Variants in LEKR1 observed in about 807,000 individuals in gnomAD.
LEKR1 encodes leucine, glutamate and lysine rich 1.
LEKR1 carries 59 observed loss-of-function variants against 72.4 expected under a neutral mutation model. The observed-to-expected ratio is 0.82, with a 90% CI of 0.66 to 1.01. The LOEUF (loss-of-function observed/expected upper bound fraction) is 1.01. LEKR1 is among the 50% of genes least tolerant of loss of function. LEKR1 has a pLI of 0.00. For synonymous variants in LEKR1, 257 were observed against 263.2 expected (o/e 0.98, Z 0.23); for missense variants, 728 against 759.2 (o/e 0.96, Z 0.48).
Position 156,899,303 on chromosome 3 carries a change from T to C in LEKR1, c.264-21272T>C, listed in dbSNP as rs570680947. Among the ~76,000 whole-genome samples, 40 of 145,938 alleles carry C rather than the reference T, an allele frequency of 2.7e-4. 2 individuals are homozygous for C. The highest frequency in any genetic ancestry group is 9.0e-4 in the African/African-American group (36 of 40,014). On this transcript the variant is annotated intron_variant, in intron 3 of 12. Transcript: ENST00000356539. ...ATATATACATGTATATATACATATA[T>C]ACATACACACATGTATATATACATA...
At chr3:156,888,369 A>G (rs1223998734) in intron 3 of LEKR1, 5 of 702,382 alleles carry the variant, frequency 7.1e-6, no homozygotes, top group South Asian at 1.5e-5. Context: ...TGCCAGATCT[A>G]CAACATTCTG....
In LEKR1 at chr3:156,918,461, T is replaced by G. The variant is rs962731999; in HGVS notation, c.264-2114T>G. ...TCCTGTTCCTGGCCTGGAATGGGAA[T>G]GTAATGATTGAAGCTTTCACCACCA... On this transcript the variant is annotated intron_variant, in intron 3 of 12. Coordinates refer to ENST00000356539, the MANE Select transcript of LEKR1 (RefSeq NM_001004316.3). Among the ~76,000 whole-genome samples, 3 of 152,134 alleles carry G rather than the reference T, an allele frequency of 2.0e-5. No individual in the cohort carries two copies. The South Asian group carries it at 6.2e-4, about 31-fold the overall frequency.
intron 12 of LEKR1, among the ~76,000 whole-genome samples, chr3:157,043,118 A>T (rs1002007942): frequency 6.6e-6 from 1 of 152,162 alleles, no homozygotes; most frequent in African/African-American, 2.4e-5. Context: ...TGCTCCCGCC[A>T]TGTAAGATGC....
chr3:156,965,368 A>T (rs1470356325), intron 6 of LEKR1, among the ~76,000 whole-genome samples: 1 of 152,190 alleles, frequency 6.6e-6, no homozygotes, highest in African/African-American at 2.4e-5. Flanking sequence ...GCAGAAACAG[A>T]AGCATTTTTT....
At chr3:156,902,977 GTAAA>G (rs1460635395) in intron 3 of LEKR1, among the ~76,000 whole-genome samples, 1 of 151,918 alleles carries the variant, frequency 6.6e-6, no homozygotes, top group Admixed American at 6.6e-5. Context: ...ATTACATTGA[GTAAA>G]TAATTTTCTT....
At chr3:157,022,459 A>T (rs1453747431) in intron 10 of LEKR1, among the ~76,000 whole-genome samples, 3 of 152,098 alleles carry the variant, frequency 2.0e-5, no homozygotes, top group Non-Finnish European at 2.9e-5. Context: ...AGACATAGAG[A>T]AATGGATGCA....
At chr3:156,937,307 A>G (rs538269768) in intron 5 of LEKR1, among the ~76,000 whole-genome samples, 15 of 152,354 alleles carry the variant, frequency 9.8e-5, no homozygotes, top group Non-Finnish European at 1.6e-4. Context: ...TGTAGAATAT[A>G]TAAATAACTC....
At chr3:157,004,335 A>C (rs746584820) in intron 9 of LEKR1, among the ~76,000 whole-genome samples, 6 of 152,168 alleles carry the variant, frequency 3.9e-5, no homozygotes, top group Non-Finnish European at 8.8e-5. Context: ...GGAAGCAAAA[A>C]CTGGATGGAA....
chr3:156,875,508 G>C (rs907214383), intron 3 of LEKR1, among the ~76,000 whole-genome samples: 21 of 152,030 alleles, frequency 1.4e-4, no homozygotes, highest in Admixed American at 1.3e-4. Flanking sequence ...TTCTTTTGCT[G>C]TGCAAAAGCT....
At chr3:156,937,357 C>G (rs1186718729) in intron 5 of LEKR1, among the ~76,000 whole-genome samples, 1 of 151,832 alleles carries the variant, frequency 6.6e-6, no homozygotes, top group East Asian at 1.9e-4. Flanking sequence ...AGAAAATAGG[C>G]AAAAGATATC....
chr3:156,891,909 A>G (rs1344529837), intron 3 of LEKR1, among the ~76,000 whole-genome samples: 1 of 152,190 alleles, frequency 6.6e-6, no homozygotes, highest in Non-Finnish European at 1.5e-5. Flanking sequence ...AGCCAGGGAC[A>G]GAGAAATTGA....
intron 3 of LEKR1, among the ~76,000 whole-genome samples, chr3:156,886,104 T>TTTAGG (rs1462294304): frequency 6.6e-6 from 1 of 152,162 alleles, no homozygotes; most frequent in Non-Finnish European, 1.5e-5. Context: ...AGGTCTGGGT[T>TTTAGG]CAGACTCTTC....
intron 5 of LEKR1, among the ~76,000 whole-genome samples, chr3:156,940,699 G>C (rs1229208485): frequency 6.6e-6 from 1 of 152,122 alleles, no homozygotes; most frequent in Non-Finnish European, 1.5e-5. Context: ...AAATCTTGAT[G>C]TACTTTTCCA....
intron 6 of LEKR1, among the ~76,000 whole-genome samples, chr3:156,966,710 T>C (rs1029747469): frequency 2.0e-5 from 3 of 152,160 alleles, no homozygotes; most frequent in African/African-American, 7.2e-5. Context: ...GGGCAGGGCA[T>C]AGCCAAACAA....
intron 3 of LEKR1, among the ~76,000 whole-genome samples, chr3:156,871,184 T>C (rs1031097134): frequency 6.6e-6 from 1 of 151,738 alleles, no homozygotes; most frequent in African/African-American, 2.4e-5. Flanking sequence ...TCAATTCCCA[T>C]CTATGAGTGA....
chr3:157,016,461 G>C (rs187968035), intron 10 of LEKR1, among the ~76,000 whole-genome samples: 1 of 152,228 alleles, frequency 6.6e-6, no homozygotes, highest in East Asian at 1.9e-4. Flanking sequence ...GAGGAAAGCT[G>C]TCAACCTAGA....
chr3:156,942,564 CA>C lies in LEKR1; in HGVS notation c.596del (p.Gln199ArgfsTer11), dbSNP rs893849569. On this transcript the variant is annotated frameshift_variant, in exon 6 of 13. Coordinates refer to ENST00000356539, the MANE Select transcript of LEKR1 (RefSeq NM_001004316.3). LOFTEE classifies it high-confidence loss of function. ...ACTGAATAAAAGTTTGACAGTATCC[CA>C]GAGAAATAAAGTATGCCTTGAAAAG... ...DILNKSLTVSQRNKVCLEKEM... is the reference protein window; with the variant it reads ...DILNKSLTVSXRNKVCLEKEM... The C allele has an allele frequency of 7.9e-7, 1 of 1,258,006 alleles. No individual in the cohort carries two copies. The highest frequency in any genetic ancestry group is 1.6e-5 in the African/African-American group (1 of 63,830). 77.9% of individuals were successfully genotyped at this position (1,258,006 alleles called of 1,614,324 possible).
intron 3 of LEKR1, among the ~76,000 whole-genome samples, chr3:156,875,161 T>G (rs1034186791): frequency 6.6e-5 from 10 of 152,222 alleles, no homozygotes; most frequent in African/African-American, 1.9e-4. Flanking sequence ...AGTGTAAAAG[T>G]GATCCTTTTC....
chr3:156,950,281 G>A (rs1229009905), intron 6 of LEKR1, among the ~76,000 whole-genome samples: 3 of 151,542 alleles, frequency 2.0e-5, no homozygotes, highest in Non-Finnish European at 4.4e-5. Context: ...GATGCCTGCA[G>A]CTTTGTTCTT....
Sources: allele counts gnomAD v4.1 joint callset (sites outside exome capture counted in the v4.1 genomes callset), GRCh38; gene constraint gnomAD v4.1.1; transcripts MANE v1.5; gene names NCBI Gene and HGNC (gene_info 2026-07-23, HGNC 2026-07-21).